The following GPHN variants were observed in gnomAD, a reference collection of about 807,000 sequenced individuals.
GPHN encodes the protein gephyrin.
GPHN carries 17 observed loss-of-function variants against 95.5 expected under a neutral mutation model. The observed-to-expected ratio is 0.18, with a 90% CI of 0.12 to 0.27. The LOEUF (loss-of-function observed/expected upper bound fraction) is 0.27. Among genes scored for constraint, GPHN ranks in the 10% least tolerant of loss-of-function variants. The probability of loss-of-function intolerance (pLI) is 1.00; values close to 1 mark genes in which losing one functional copy is unlikely to be tolerated. For synonymous variants in GPHN, 320 were observed against 322.5 expected (o/e 0.99, Z 0.08); for missense variants, 660 against 978.1 (o/e 0.67, Z 4.34).
intron 3 of GPHN, among the ~76,000 whole-genome samples, chr14:66,817,051 A>C (rs773029483): frequency 6.6e-6 from 1 of 152,146 alleles, no homozygotes; most frequent in Non-Finnish European, 1.5e-5. Context: ...TTATAAATAC[A>C]TGTAGTATTT....
chr14:66,698,166 C>T (rs1269217311), intron 2 of GPHN, among the ~76,000 whole-genome samples: 1 of 152,012 alleles, frequency 6.6e-6, no homozygotes, highest in Non-Finnish European at 1.5e-5. Flanking sequence ...CCTGAAATTT[C>T]ATCACAAGTT....
chr14:66,624,742 A>T (rs2063453571), intron 1 of GPHN, among the ~76,000 whole-genome samples: 1 of 152,186 alleles, frequency 6.6e-6, no homozygotes, highest in Non-Finnish European at 1.5e-5. Flanking sequence ...CACACTTGAG[A>T]CTGTATGGGG....
At chr14:66,648,785 A>G (rs1381643899) in intron 1 of GPHN, among the ~76,000 whole-genome samples, 3 of 152,214 alleles carry the variant, frequency 2.0e-5, no homozygotes, top group Non-Finnish European at 4.4e-5. Flanking sequence ...TAAATACCAA[A>G]ATAAATGAAA....
At chr14:67,158,268 T>C (rs914376067) in intron 18 of GPHN, among the ~76,000 whole-genome samples, 6 of 149,606 alleles carry the variant, frequency 4.0e-5, no homozygotes, top group Admixed American at 6.7e-5. Context: ...GATCGCACCG[T>C]TGGACTCCAG....
At chr14:66,680,735 A>T (rs2066886520) in intron 1 of GPHN, among the ~76,000 whole-genome samples, 1 of 152,158 alleles carries the variant, frequency 6.6e-6, no homozygotes, top group Admixed American at 6.5e-5. Flanking sequence ...TATTTTTAAA[A>T]ATATGATTTT....
chr14:66,985,892 T>C (rs2070998969), intron 9 of GPHN, among the ~76,000 whole-genome samples: 1 of 151,248 alleles, frequency 6.6e-6, no homozygotes, highest in South Asian at 2.1e-4. Context: ...GTCATATTAC[T>C]TTTTTTTTGT....
chr14:66,743,684 G>A (rs756841846), intron 2 of GPHN, among the ~76,000 whole-genome samples: 1 of 152,222 alleles, frequency 6.6e-6, no homozygotes, highest in Non-Finnish European at 1.5e-5. Context: ...GGTGCTTGCA[G>A]TGAGCGGAGA....
At chr14:66,932,171 C>T (rs1359991103) in intron 8 of GPHN, among the ~76,000 whole-genome samples, 1 of 152,132 alleles carries the variant, frequency 6.6e-6, no homozygotes, top group East Asian at 1.9e-4. Context: ...GGAGAATTCC[C>T]TAGATTACCA....
the GPHN span, chr14:67,729,125 A>C: frequency 1.1e-5 from 17 of 1,483,936 alleles, no homozygotes; most frequent in Non-Finnish European, 1.5e-5. Context: ...ATTTTGCTGC[A>C]GGAGATAAGC....
intron 9 of GPHN, among the ~76,000 whole-genome samples, chr14:66,992,333 T>TA (rs2071490616): frequency 6.6e-6 from 1 of 152,128 alleles, no homozygotes; most frequent in Non-Finnish European, 1.5e-5. Flanking sequence ...TATAAGTACT[T>TA]AACTATACTA....
chr14:67,620,914 T>A, the GPHN span: 3 of 1,614,158 alleles, frequency 1.9e-6, no homozygotes, highest in Non-Finnish European at 2.5e-6. Flanking sequence ...GAGTGGAGCA[T>A]GGTCCCGCTG....
At chr14:67,642,710 T>C in the GPHN span, among the ~76,000 whole-genome samples, 2 of 151,938 alleles carry the variant, frequency 1.3e-5, no homozygotes, top group Non-Finnish European at 2.9e-5. Flanking sequence ...AAAGATCCAT[T>C]GATAGGCTGA....
the GPHN span, among the ~76,000 whole-genome samples, chr14:67,258,783 T>C: frequency 6.6e-6 from 1 of 152,128 alleles, no homozygotes. Flanking sequence ...AATAAGTTAT[T>C]TTGTTATGCA....
At chr14:67,431,694 C>T in the GPHN span, among the ~76,000 whole-genome samples, 4 of 151,658 alleles carry the variant, frequency 2.6e-5, no homozygotes, top group Non-Finnish European at 5.9e-5. Context: ...CCCAACTCAA[C>T]AACAGCAGCA....
intron 1 of GPHN, among the ~76,000 whole-genome samples, chr14:66,657,494 A>G (rs2065372497): frequency 6.6e-6 from 1 of 152,214 alleles, no homozygotes; most frequent in Non-Finnish European, 1.5e-5. Context: ...TAAGACTTTC[A>G]TAGCTAGAGA....
intron 1 of GPHN, among the ~76,000 whole-genome samples, chr14:66,572,107 T>G (rs7141687): frequency 0.33 from 50,384 of 152,042 alleles, 12,335 homozygotes; most frequent in African/African-American, 0.67. Flanking sequence ...CTATTCTATT[T>G]GTCTATGTGC....
chr14:67,034,326 T>C (rs1245291767), intron 10 of GPHN, among the ~76,000 whole-genome samples: 1 of 151,842 alleles, frequency 6.6e-6, no homozygotes, highest in Non-Finnish European at 1.5e-5. Flanking sequence ...TTATAGAAGA[T>C]ACAGAAAAGA....
At chr14:67,062,342 A>G (rs1271089860) in intron 11 of GPHN, among the ~76,000 whole-genome samples, 2 of 152,244 alleles carry the variant, frequency 1.3e-5, no homozygotes, top group Admixed American at 6.5e-5. Flanking sequence ...AGGCCTTCAC[A>G]TTCTATGAAA....
At chr14:66,961,056 G>A (rs893536277) in intron 8 of GPHN, among the ~76,000 whole-genome samples, 2 of 152,046 alleles carry the variant, frequency 1.3e-5, no homozygotes, top group Admixed American at 6.6e-5. Context: ...GGCCCTTTGA[G>A]TGTGTCCTTC....
Sources: gnomAD v4.1 joint callset for allele counts (sites outside exome capture counted in the v4.1 genomes callset) on GRCh38, gnomAD v4.1.1 for gene constraint, MANE v1.5 for transcripts, NCBI Gene and HGNC (gene_info 2026-07-23, HGNC 2026-07-21) for gene names.